SCFD2: variants seen among roughly 807,000 people sequenced by gnomAD.
The protein encoded by SCFD2 is sec1 family domain containing 2.
Under a neutral mutation model 58.9 loss-of-function variants are expected in SCFD2, and 54 were observed. The observed-to-expected ratio is 0.92, with a 90% CI of 0.74 to 1.15. The LOEUF (loss-of-function observed/expected upper bound fraction) is 1.15. Among genes scored for constraint, SCFD2 ranks in the 50% most tolerant of loss-of-function variants. The pLI is 0.00. For missense variants in SCFD2, 805 were observed against 836.6 expected, an observed-to-expected ratio of 0.96 and a Z score of 0.47; for synonymous variants, 321 against 335.9, an observed-to-expected ratio of 0.96 and a Z score of 0.49.
rs552872777 is a variant in SCFD2, at chr4:53,293,895, G to A, written c.1135+19741C>T. 1.4e-3 allele frequency among the ~76,000 whole-genome samples: 171 copies of A among 124,334 alleles called. 1 individual carries two copies. Among genetic ancestry groups the A allele is most frequent in the Admixed American group, 2.5e-3 (26 of 10,536 alleles). The allele number at this position is 124,334 out of a possible 152,430, so 81.6% of individuals were successfully genotyped here. A position where few individuals can be genotyped will look rare whatever the true frequency, so the allele number is the denominator to read the frequency against. On this transcript the variant is annotated intron_variant, in intron 3 of 8. Coordinates refer to ENST00000401642, the MANE Select transcript of SCFD2 (RefSeq NM_152540.4). ...TCCCTCCCCCAGCCTCCCACCCCCT[G>A]ACAGGCCCCAGTGTGTGATGTTCCC...
chr4:53,067,985 G>A (rs1363428545), intron 5 of SCFD2, among the ~76,000 whole-genome samples: 1 of 152,038 alleles, frequency 6.6e-6, no homozygotes, highest in Admixed American at 6.6e-5. Context: ...AGAGTTCAGA[G>A]TTCTTAGCAA....
intron 4 of SCFD2, among the ~76,000 whole-genome samples, chr4:53,180,495 C>A (rs2148947306): frequency 6.6e-6 from 1 of 152,018 alleles, no homozygotes; most frequent in South Asian, 2.1e-4. Context: ...GGGACACATT[C>A]AAAGCAGTGT....
intron 3 of SCFD2, among the ~76,000 whole-genome samples, chr4:53,299,488 G>T (rs1030652682): frequency 6.6e-6 from 1 of 152,210 alleles, no homozygotes; most frequent in African/African-American, 2.4e-5. Flanking sequence ...ACCTGAAAGT[G>T]ACAGGGAGAA....
At chr4:53,057,771 ATAAT>A (rs1406915577) in intron 5 of SCFD2, among the ~76,000 whole-genome samples, 1 of 152,142 alleles carries the variant, frequency 6.6e-6, no homozygotes, top group East Asian at 1.9e-4. Context: ...GGGAGGGAGA[ATAAT>A]TAGAGGCCTC....
chr4:53,288,443 A>G (rs1731737665), intron 3 of SCFD2, among the ~76,000 whole-genome samples: 1 of 152,200 alleles, frequency 6.6e-6, no homozygotes, highest in African/African-American at 2.4e-5. Context: ...GGACCTAAAC[A>G]AGGCACACTA....
chr4:53,162,651 T>G (rs1398840418), intron 4 of SCFD2, among the ~76,000 whole-genome samples: 1 of 151,484 alleles, frequency 6.6e-6, no homozygotes, highest in African/African-American at 2.4e-5. Context: ...TGAGATGGTA[T>G]CTCATTGTGG....
intron 4 of SCFD2, among the ~76,000 whole-genome samples, chr4:53,247,995 A>G (rs916800605): frequency 6.6e-6 from 1 of 151,982 alleles, no homozygotes; most frequent in African/African-American, 2.4e-5. Flanking sequence ...TGATTTCTGC[A>G]TTTCCATCTG....
At chr4:53,265,178 T>C (rs1730946435) in intron 4 of SCFD2, among the ~76,000 whole-genome samples, 1 of 152,214 alleles carries the variant, frequency 6.6e-6, no homozygotes, top group South Asian at 2.1e-4. Context: ...TACTCTTCAG[T>C]GATTTTATAG....
intron 4 of SCFD2, among the ~76,000 whole-genome samples, chr4:53,182,766 C>T (rs1727614361): frequency 6.6e-6 from 1 of 150,742 alleles, no homozygotes; most frequent in South Asian, 2.2e-4. Flanking sequence ...TGACAAAGGG[C>T]TAATATCCAG....
At chr4:53,311,119 A>G (rs918067699) in intron 3 of SCFD2, among the ~76,000 whole-genome samples, 1 of 152,202 alleles carries the variant, frequency 6.6e-6, no homozygotes, top group African/African-American at 2.4e-5. Context: ...GAATCTGTTT[A>G]TATATGAAAA....
chr4:53,255,113 T>C (rs1278455765), intron 4 of SCFD2, among the ~76,000 whole-genome samples: 4 of 151,136 alleles, frequency 2.6e-5, no homozygotes, highest in African/African-American at 9.7e-5. Context: ...TCTCGTGATC[T>C]GCCCGCCTTG....
chr4:53,107,064 C>T (rs2148880923), intron 5 of SCFD2, among the ~76,000 whole-genome samples: 1 of 152,188 alleles, frequency 6.6e-6, no homozygotes, highest in South Asian at 2.1e-4. Flanking sequence ...AGAGTGGGGG[C>T]CAATATTCAA....
chr4:53,113,269 T>C (rs1315091556), intron 5 of SCFD2, among the ~76,000 whole-genome samples: 1 of 152,096 alleles, frequency 6.6e-6, no homozygotes, highest in Admixed American at 6.6e-5. Context: ...CTAGCCCCTG[T>C]AAGTTAGGAA....
At chr4:52,934,740 T>C (rs1285549499) in intron 5 of SCFD2, among the ~76,000 whole-genome samples, 2 of 152,212 alleles carry the variant, frequency 1.3e-5, no homozygotes, top group African/African-American at 2.4e-5. Context: ...CACAAGGATA[T>C]AAGTTCCAAG....
chr4:53,211,141 C>T (rs1170526190), intron 4 of SCFD2, among the ~76,000 whole-genome samples: 1 of 151,758 alleles, frequency 6.6e-6, no homozygotes, highest in East Asian at 1.9e-4. Flanking sequence ...TACTCTGAAG[C>T]CTGAGGCAGG....
intron 4 of SCFD2, among the ~76,000 whole-genome samples, chr4:53,236,803 C>T (rs1729627857): frequency 6.9e-6 from 1 of 144,524 alleles, no homozygotes; most frequent in Admixed American, 7.0e-5. Flanking sequence ...TACTTAAAGT[C>T]ACTGTTTTAT....
intron 5 of SCFD2, chr4:52,948,956 C>T (rs1170204581): frequency 6.4e-6 from 1 of 155,226 alleles, no homozygotes; most frequent in Non-Finnish European, 1.4e-5. Flanking sequence ...CCTGCATCAT[C>T]ATAGGGAGTT....
chr4:52,955,018 A>G (rs1464525026), intron 5 of SCFD2, among the ~76,000 whole-genome samples: 1 of 151,936 alleles, frequency 6.6e-6, no homozygotes, highest in East Asian at 1.9e-4. Flanking sequence ...ACAGTACCCC[A>G]TTCTTGAGAC....
At chr4:52,939,208 A>C (rs1255909145) in intron 5 of SCFD2, among the ~76,000 whole-genome samples, 1 of 152,228 alleles carries the variant, frequency 6.6e-6, no homozygotes, top group African/African-American at 2.4e-5. Flanking sequence ...ATGAATAAAG[A>C]ATCTATGCAG....
Sources: gnomAD v4.1 joint callset for allele counts (sites outside exome capture counted in the v4.1 genomes callset) on GRCh38, gnomAD v4.1.1 for gene constraint, MANE v1.5 for transcripts, NCBI Gene and HGNC (gene_info 2026-07-23, HGNC 2026-07-21) for gene names.